The following HS6ST1 variants were observed in gnomAD, a reference collection of about 807,000 sequenced individuals.
HS6ST1 encodes the protein heparan sulfate 6-O-sulfotransferase 1.
In HS6ST1, 3 loss-of-function variants were observed where a neutral mutation model predicts 25.2. The observed-to-expected ratio is 0.12, with a 90% confidence interval of 0.05 to 0.31. The LOEUF is 0.31. HS6ST1 is among the 10% of genes least tolerant of loss of function. The pLI is 1.00. For synonymous variants in HS6ST1, 204 were observed against 275.1 expected (o/e 0.74, Z 2.56); for missense variants, 310 against 609.6 (o/e 0.51, Z 5.18).
At chr2:128,285,631 C>A (rs981080409) in intron 1 of HS6ST1, among the ~76,000 whole-genome samples, 1 of 152,140 alleles carries the variant, frequency 6.6e-6, no homozygotes, top group African/African-American at 2.4e-5. Flanking sequence ...CAGTGAGGCT[C>A]GAGGAAAGGC....
At chr2:128,286,036 T>G (rs571643131) in intron 1 of HS6ST1, among the ~76,000 whole-genome samples, 25 of 152,332 alleles carry the variant, frequency 1.6e-4, no homozygotes, top group African/African-American at 5.0e-4. Flanking sequence ...CCCCAGGGAC[T>G]GTCTCCATAA....
chr2:128,270,821 C>G (rs917089811), intron 1 of HS6ST1, among the ~76,000 whole-genome samples: 4 of 152,210 alleles, frequency 2.6e-5, no homozygotes, highest in African/African-American at 9.6e-5. Context: ...AGAAGCTTGC[C>G]CTCCTAGCCC....
chr2:128,317,134 C>G (rs1694383465), intron 1 of HS6ST1, among the ~76,000 whole-genome samples: 1 of 152,200 alleles, frequency 6.6e-6, no homozygotes, highest in Non-Finnish European at 1.5e-5. Flanking sequence ...GGAAAATAAC[C>G]CCAACTTTAA....
chr2:128,276,032 A>G (rs1346796087), intron 1 of HS6ST1, among the ~76,000 whole-genome samples: 2 of 152,268 alleles, frequency 1.3e-5, no homozygotes, highest in African/African-American at 2.4e-5. Flanking sequence ...GGCACTGCAC[A>G]TCAGGACTGG....
intron 1 of HS6ST1, among the ~76,000 whole-genome samples, chr2:128,275,381 C>T (rs189483324): frequency 6.6e-6 from 1 of 152,054 alleles, no homozygotes; most frequent in East Asian, 1.9e-4. Context: ...ATATCTAAAT[C>T]AATAAATTAA....
In HS6ST1 at chr2:128,296,763, C is replaced by A. The variant is rs559397155; in HGVS notation, c.527+21274G>T. On this transcript the variant is annotated intron_variant, in intron 1 of 1. Coordinates refer to ENST00000259241, the MANE Select transcript of HS6ST1 (RefSeq NM_004807.3). ...CATCCCATGTCCATGAACTGAAAGA[C>A]CTACTATCATTAAGATGTAAATACT... 4.6e-5 allele frequency among the ~76,000 whole-genome samples: 7 copies of A among 152,264 alleles called. No individual in the cohort carries two copies. In the East Asian group the frequency reaches 9.7e-4, roughly 21 times the overall value.
intron 1 of HS6ST1, among the ~76,000 whole-genome samples, chr2:128,286,779 A>T (rs1481671729): frequency 2.0e-5 from 3 of 152,196 alleles, no homozygotes; most frequent in African/African-American, 7.2e-5. Context: ...TGCTGGCTTT[A>T]CAAACAAGGT....
intron 1 of HS6ST1, among the ~76,000 whole-genome samples, chr2:128,300,858 G>A (rs73956990): frequency 0.013 from 1,971 of 152,328 alleles, 51 homozygotes; most frequent in African/African-American, 0.04. Context: ...CCCACACCCC[G>A]TCTGAGCCTC....
chr2:128,300,855 C>G lies in HS6ST1; in HGVS notation c.527+17182G>C, dbSNP rs1694114984. On this transcript the variant is annotated intron_variant, in intron 1 of 1. Transcript: ENST00000259241. The stretch of plus-strand genomic sequence containing the variant: ...CCCTCCAGAGCAGCTAGCCCCACAC[C>G]CCGTCTGAGCCTCCGCCAGTATCTT... 2.6e-5 allele frequency among the ~76,000 whole-genome samples: 4 copies of G among 152,360 alleles called. 1 individual carries two copies. Among genetic ancestry groups the G allele is most frequent in the Non-Finnish European group, 5.9e-5 (4 of 68,022 alleles).
chr2:128,275,381 CAATA>C, intron 1 of HS6ST1, among the ~76,000 whole-genome samples: 1 of 152,054 alleles, frequency 6.6e-6, no homozygotes, highest in African/African-American at 2.4e-5. Flanking sequence ...ATATCTAAAT[CAATA>C]AATTAAGAAA....
chr2:128,268,899 G>A (rs774107589), intron 1 of HS6ST1, 29 bp from the exon 2 acceptor site: 1 of 1,579,156 alleles, frequency 6.3e-7, no homozygotes, highest in Non-Finnish European at 8.6e-7. Flanking sequence ...AGGAGGTGAG[G>A]GCTGTGACGC....
chr2:128,293,256 C>T (rs538037898), intron 1 of HS6ST1, among the ~76,000 whole-genome samples: 8 of 152,378 alleles, frequency 5.3e-5, no homozygotes, highest in Admixed American at 6.5e-5. Flanking sequence ...CACAATATGG[C>T]GCTTTTCTCC....
rs1335565970 is a variant in HS6ST1 at position 128,297,049 on chromosome 2, G to A, written c.527+20988C>T. Among the ~76,000 whole-genome samples the A allele has an allele frequency of 2.6e-5, 4 of 152,208 alleles. No individual in the cohort carries two copies. In the South Asian group the frequency reaches 8.3e-4, roughly 32 times the overall value. ...TGCACCTTAGCCTGGATGACAAAGC[G>A]AGACCCTGTCTCAAAAACAAACAAA... On this transcript the variant is annotated intron_variant, in intron 1 of 1. Transcript: ENST00000259241.
At chr2:128,285,189 C>T (rs898255256) in intron 1 of HS6ST1, among the ~76,000 whole-genome samples, 5 of 152,246 alleles carry the variant, frequency 3.3e-5, no homozygotes, top group African/African-American at 1.2e-4. Context: ...ATGAGTGTTC[C>T]ACGCTCTCTG....
intron 1 of HS6ST1, among the ~76,000 whole-genome samples, chr2:128,281,584 G>A (rs141201242): frequency 1.3e-4 from 20 of 152,220 alleles, no homozygotes; most frequent in Admixed American, 5.2e-4. Context: ...TTTGTAGAGC[G>A]AAGAGAAAGA....
chr2:128,285,607 G>GC (rs11461608), intron 1 of HS6ST1, among the ~76,000 whole-genome samples: 152,314 of 152,318 alleles, frequency 1, 76,155 homozygotes, highest in Middle Eastern at 1. Context: ...AGGGCTGTCT[G>GC]CCAGCACCTG....
intron 1 of HS6ST1, among the ~76,000 whole-genome samples, chr2:128,290,388 A>T (rs1212686603): frequency 1.3e-5 from 2 of 152,194 alleles, no homozygotes; most frequent in Non-Finnish European, 2.9e-5. Context: ...ACAAATGCAC[A>T]AGAGAGGAAA....
chr2:128,317,576 AG>A (rs1694391968), intron 1 of HS6ST1, among the ~76,000 whole-genome samples: 1 of 152,214 alleles, frequency 6.6e-6, no homozygotes, highest in African/African-American at 2.4e-5. Flanking sequence ...CTCCAGGCAC[AG>A]GGGCGGCACC....
At chr2:128,312,318 G>C (rs543532130) in intron 1 of HS6ST1, among the ~76,000 whole-genome samples, 3 of 152,318 alleles carry the variant, frequency 2.0e-5, no homozygotes, top group Admixed American at 2.0e-4. Flanking sequence ...ACCTTCTCTG[G>C]GGCCTGACTT....
Sources: allele counts gnomAD v4.1 joint callset (sites outside exome capture counted in the v4.1 genomes callset), GRCh38; gene constraint gnomAD v4.1.1; transcripts MANE v1.5; gene names NCBI Gene and HGNC (gene_info 2026-07-23, HGNC 2026-07-21).